The following TMOD3 variants were observed in gnomAD, a reference collection of about 807,000 sequenced individuals.
The protein encoded by TMOD3 is tropomodulin 3.
In TMOD3, 20 loss-of-function variants were observed where a neutral mutation model predicts 39.2. That is an observed-to-expected ratio of 0.51 (90% CI 0.36 to 0.74). The LOEUF is 0.74. TMOD3 is among the 30% of genes least tolerant of loss of function. The probability of loss-of-function intolerance (pLI) is 0.00; values close to 1 mark genes in which losing one functional copy is unlikely to be tolerated. For missense variants in TMOD3, 381 were observed against 412.8 expected, an observed-to-expected ratio of 0.92 and a Z score of 0.67; for synonymous variants, 143 against 145.8, an observed-to-expected ratio of 0.98 and a Z score of 0.14.
At chr15:51,882,530 C>G (rs1253087161) in intron 3 of TMOD3, among the ~76,000 whole-genome samples, 1 of 152,052 alleles carries the variant, frequency 6.6e-6, no homozygotes, top group Admixed American at 6.6e-5. Flanking sequence ...AAAAACTTTG[C>G]ATGTGATTGT....
chr15:51,850,721 G>A (rs2056357206), intron 1 of TMOD3, among the ~76,000 whole-genome samples: 1 of 152,018 alleles, frequency 6.6e-6, no homozygotes, highest in African/African-American at 2.4e-5. Flanking sequence ...GGAGTAGGAA[G>A]AGTTAGGTTT....
At chr15:51,855,764 A>G (rs1451081746) in intron 1 of TMOD3, among the ~76,000 whole-genome samples, 1 of 152,252 alleles carries the variant, frequency 6.6e-6, no homozygotes, top group Non-Finnish European at 1.5e-5. Flanking sequence ...AAGGACAAGC[A>G]AGAGAGACAT....
At chr15:51,899,578 A>T (rs987069260) in intron 7 of TMOD3, among the ~76,000 whole-genome samples, 1 of 151,868 alleles carries the variant, frequency 6.6e-6, no homozygotes, top group African/African-American at 2.4e-5. Context: ...AGGTGGGAAG[A>T]TCAATTGAGC....
chr15:51,856,378 T>C (rs960315052), intron 1 of TMOD3, among the ~76,000 whole-genome samples: 2 of 151,948 alleles, frequency 1.3e-5, no homozygotes, highest in African/African-American at 4.8e-5. Context: ...TTTGGTGTAT[T>C]ACCCAGAAGT....
intron 5 of TMOD3, among the ~76,000 whole-genome samples, chr15:51,891,058 C>T (rs1309732268): frequency 6.6e-6 from 1 of 152,128 alleles, no homozygotes; most frequent in African/African-American, 2.4e-5. Flanking sequence ...ATGATGCCAT[C>T]ATCAAACTTA....
intron 1 of TMOD3, chr15:51,859,307 G>C (rs1466302673): frequency 2.3e-5 from 17 of 728,390 alleles, no homozygotes; most frequent in South Asian, 2.0e-4. Context: ...CAAGGGGGTG[G>C]TTCAATGGTT....
At chr15:51,846,152 C>CAAAA (rs139987097) in intron 1 of TMOD3, among the ~76,000 whole-genome samples, 13 of 140,672 alleles carry the variant, frequency 9.2e-5, no homozygotes, top group South Asian at 4.4e-4. Context: ...CCCATTTCTA[C>CAAAA]CAAAAAAAAA....
intron 1 of TMOD3, among the ~76,000 whole-genome samples, chr15:51,855,107 T>C (rs2056381437): frequency 6.6e-6 from 1 of 152,190 alleles, no homozygotes; most frequent in Non-Finnish European, 1.5e-5. Flanking sequence ...ACAGCACCCA[T>C]AGACTTTGGG....
chr15:51,842,859 A>G (rs1226316494), intron 1 of TMOD3, among the ~76,000 whole-genome samples: 1 of 152,172 alleles, frequency 6.6e-6, no homozygotes, highest in Non-Finnish European at 1.5e-5. Context: ...ACTCCCTTTC[A>G]ATCTGAAAAT....
At chr15:51,860,578 GA>G in intron 1 of TMOD3, 2 of 566,106 alleles carry the variant, frequency 3.5e-6, no homozygotes, top group South Asian at 2.7e-5. Flanking sequence ...TTGTTGGAAT[GA>G]ATGGCCAACA....
chr15:51,863,356 C>T (rs529953037), intron 2 of TMOD3, among the ~76,000 whole-genome samples: 1 of 152,358 alleles, frequency 6.6e-6, no homozygotes, highest in African/African-American at 2.4e-5. Flanking sequence ...CTCTTCAGAG[C>T]TTCTATGCCA....
intron 1 of TMOD3, chr15:51,861,357 A>C: frequency 5.0e-6 from 1 of 199,426 alleles, no homozygotes; most frequent in South Asian, 9.6e-5. Context: ...AAGCTCCCCC[A>C]TTTGCTTGTT....
chr15:51,885,284 C>CTTTTTTTTTTTTTT (rs67378569), intron 3 of TMOD3, among the ~76,000 whole-genome samples: 15 of 126,946 alleles, frequency 1.2e-4, no homozygotes, highest in Non-Finnish European at 2.2e-4. Flanking sequence ...TTTCTTTTTT[C>CTTTTTTTTTTTTTT]TTTTTTTTTT....
At chr15:51,908,647 C>A in intron 9 of TMOD3, 129 bp from the exon 10 acceptor site, 42 of 395,116 alleles carry the variant, frequency 1.1e-4, no homozygotes, top group Non-Finnish European at 1.5e-4. Flanking sequence ...GTCATGTGAA[C>A]TGGAAATGGA....
At chr15:51,892,113 A>G (rs1301118879) in intron 5 of TMOD3, among the ~76,000 whole-genome samples, 1 of 152,194 alleles carries the variant, frequency 6.6e-6, no homozygotes, top group African/African-American at 2.4e-5. Context: ...ATACTCTTAG[A>G]TGGAATTTAT....
intron 3 of TMOD3, among the ~76,000 whole-genome samples, chr15:51,884,116 A>C (rs1177035335): frequency 6.6e-6 from 1 of 152,240 alleles, no homozygotes; most frequent in Non-Finnish European, 1.5e-5. Context: ...AAAACACTGA[A>C]GCCCTGGCCT....
intron 9 of TMOD3, among the ~76,000 whole-genome samples, chr15:51,907,989 A>G (rs1399407776): frequency 6.6e-6 from 1 of 152,230 alleles, no homozygotes; most frequent in Admixed American, 6.5e-5. Context: ...TGAGATTTTC[A>G]TTACTTTGCA....
At chr15:51,856,898 T>C (rs1295932303) in intron 1 of TMOD3, among the ~76,000 whole-genome samples, 1 of 152,176 alleles carries the variant, frequency 6.6e-6, no homozygotes, top group Admixed American at 6.5e-5. Flanking sequence ...CATACCCTTT[T>C]CCCAGCAATT....
At chr15:51,848,579 AT>A (rs1008166544) in intron 1 of TMOD3, among the ~76,000 whole-genome samples, 26 of 152,216 alleles carry the variant, frequency 1.7e-4, no homozygotes, top group African/African-American at 5.8e-4. Flanking sequence ...GTCAATTTGA[AT>A]TTTTTTAATT....
Sources: gnomAD v4.1 joint callset for allele counts (sites outside exome capture counted in the v4.1 genomes callset) on GRCh38, gnomAD v4.1.1 for gene constraint, MANE v1.5 for transcripts, NCBI Gene and HGNC (gene_info 2026-07-23, HGNC 2026-07-21) for gene names.